FAM184B: variants seen among roughly 807,000 people sequenced by gnomAD.
The protein encoded by FAM184B is family with sequence similarity 184 member B, also known as protein FAM184B.
Under a neutral mutation model 135.9 loss-of-function variants are expected in FAM184B, and 111 were observed. The ratio of observed to expected loss-of-function variants is 0.82; its 90% CI spans 0.70 to 0.96. The LOEUF is 0.96. Among genes scored for constraint, FAM184B ranks in the 40% least tolerant of loss-of-function variants. FAM184B has a pLI of 0.00. For synonymous variants in FAM184B, 552 were observed against 524.8 expected (o/e 1.05, Z -0.71); for missense variants, 1,375 against 1,323.9 (o/e 1.04, Z -0.60).
At chr4:17,633,922 A>G in intron 16 of FAM184B, 34 bp from the exon 17 acceptor site, 2 of 1,343,978 alleles carry the variant, frequency 1.5e-6, no homozygotes, top group Admixed American at 3.8e-5. Context: ...AGTGCAATGC[A>G]ATGCAAAAAA....
chr4:17,767,277 G>T (rs2108995771), intron 1 of FAM184B, among the ~76,000 whole-genome samples: 1 of 152,326 alleles, frequency 6.6e-6, no homozygotes, highest in African/African-American at 2.4e-5. Flanking sequence ...GGGCTGAAGG[G>T]CTCCTCAAGC....
At chr4:17,726,442 G>C (rs1342981496) in intron 1 of FAM184B, among the ~76,000 whole-genome samples, 1 of 152,072 alleles carries the variant, frequency 6.6e-6, no homozygotes, top group African/African-American at 2.4e-5. Flanking sequence ...CGTGATCTCA[G>C]CTCACTGCAA....
Position 17,724,210 on chromosome 4 carries a change from G to A in FAM184B, c.142-14566C>T, listed in dbSNP as rs115409161. ...GTCAAGAATACACCAAAACATGACC[G>A]TGGTTATCTTTAGATGGTAAGATTA... On this transcript the variant is annotated intron_variant, in intron 1 of 17. Coordinates refer to ENST00000265018, the MANE Select transcript of FAM184B (RefSeq NM_015688.2). 4.8e-3 allele frequency among the ~76,000 whole-genome samples: 734 copies of A among 152,204 alleles called. 5 individuals carry two copies. Among genetic ancestry groups the A allele is most frequent in the African/African-American group, 0.016 (680 of 41,530 alleles).
rs759280159 is a variant in FAM184B, at chr4:17,704,998, A to G, written c.1377+2T>C. ...AACAGTCTCTATGGAAGTAGGTCTCACCCTCTGCAGTTTCTTTCTTTCAGC... is the reference window on the plus strand; with the variant it reads ...AACAGTCTCTATGGAAGTAGGTCTCGCCCTCTGCAGTTTCTTTCTTTCAGC... On this transcript the variant is annotated splice_donor_variant, in intron 5 of 17. Transcript: ENST00000265018. LOFTEE classifies it high-confidence loss of function. 7 of 1,551,298 alleles carry G rather than the reference A, an allele frequency of 4.5e-6. No homozygotes were observed. Among genetic ancestry groups the G allele is most frequent in the Non-Finnish European group, 6.1e-6 (7 of 1,146,872 alleles).
intron 1 of FAM184B, among the ~76,000 whole-genome samples, chr4:17,740,314 T>G (rs1368852855): frequency 1.5e-5 from 2 of 130,592 alleles, no homozygotes; most frequent in Non-Finnish European, 3.1e-5. Flanking sequence ...ATCACGCTAC[T>G]GCACTCCAGC....
chr4:17,756,314 C>T (rs1327240355), intron 1 of FAM184B, among the ~76,000 whole-genome samples: 9 of 152,150 alleles, frequency 5.9e-5, no homozygotes, highest in Non-Finnish European at 1.3e-4. Context: ...GGAGCCAACA[C>T]TGAAGGGTTT....
At chr4:17,670,664 T>C (rs1716151030) in intron 7 of FAM184B, among the ~76,000 whole-genome samples, 1 of 152,238 alleles carries the variant, frequency 6.6e-6, no homozygotes, top group Admixed American at 6.5e-5. Flanking sequence ...TTCTATACAT[T>C]ATCTCATGGA....
chr4:17,688,377 C>T (rs554296075), intron 7 of FAM184B, 47 bp downstream of exon 7: 39 of 1,426,654 alleles, frequency 2.7e-5, no homozygotes, highest in Middle Eastern at 3.7e-4. Context: ...AGGCTGAGAC[C>T]GAGAAAAGAA....
chr4:17,749,099 G>T (rs1024183751), intron 1 of FAM184B, among the ~76,000 whole-genome samples: 33 of 151,228 alleles, frequency 2.2e-4, no homozygotes, highest in African/African-American at 7.0e-4. Flanking sequence ...CTCCTGAGTA[G>T]CTGGGATTAC....
chr4:17,636,713 G>A, intron 14 of FAM184B, 68 bp from the exon 15 acceptor site: 1 of 1,276,850 alleles, frequency 7.8e-7, no homozygotes. Flanking sequence ...GAGAACAAGT[G>A]CACACGATGG....
At position 17,684,153 on chromosome 4, in the gene FAM184B, T is replaced by A. The variant is rs1256328162; in HGVS notation, c.1596+4271A>T. On this transcript the variant is annotated intron_variant, in intron 7 of 17. Transcript: ENST00000265018. ...AATAATTATATATAAAATAATTATA[T>A]AATAAAATATAATATAAAATAAAAT... Among the ~76,000 whole-genome samples, 429 of 145,824 alleles carry A rather than the reference T, an allele frequency of 2.9e-3. 2 individuals carry two copies. The highest frequency in any genetic ancestry group is 5.5e-3 in the Non-Finnish European group (364 of 66,400).
At position 17,765,930 on chromosome 4, in the gene FAM184B, G is replaced by C. The variant is rs142369466; in HGVS notation, c.141+15229C>G. 5.7e-3 allele frequency among the ~76,000 whole-genome samples: 867 copies of C among 152,262 alleles called. 7 individuals carry two copies. Among genetic ancestry groups the C allele is most frequent in the African/African-American group, 0.02 (830 of 41,550 alleles). ...GGTGGTGAGTGTTACAGCTCTTAAA[G>C]CAGCACATCTAGAATTACTCCTTCC... On this transcript the variant is annotated intron_variant, in intron 1 of 17. Transcript: ENST00000265018.
At chr4:17,664,480 T>C in intron 8 of FAM184B, 82 bp downstream of exon 8, 5 of 1,110,598 alleles carry the variant, frequency 4.5e-6, no homozygotes, top group South Asian at 4.3e-5. Context: ...TACTTGAGGA[T>C]AGAATGAATG....
intron 14 of FAM184B, among the ~76,000 whole-genome samples, chr4:17,637,893 G>A (rs1560163946): frequency 1.3e-5 from 2 of 152,026 alleles, no homozygotes; most frequent in Non-Finnish European, 2.9e-5. Flanking sequence ...CCTGCCCAGT[G>A]CCTTGTGAAG....
intron 5 of FAM184B, 109 bp from the exon 6 acceptor site, chr4:17,693,521 CAACACTGCAAATAAACATAA>C: frequency 1.3e-6 from 1 of 768,604 alleles, no homozygotes; most frequent in Non-Finnish European, 2.1e-6. Flanking sequence ...GAGTGTCATA[CAACACTGCAAATAAACATAA>C]ATTAGACATA....
At chr4:17,649,153 A>C (rs1267015297) in intron 11 of FAM184B, among the ~76,000 whole-genome samples, 1 of 152,204 alleles carries the variant, frequency 6.6e-6, no homozygotes, top group East Asian at 1.9e-4. Flanking sequence ...AAAATAAACA[A>C]ATGATCTTTA....
intron 5 of FAM184B, among the ~76,000 whole-genome samples, chr4:17,700,222 G>A (rs1019638319): frequency 1.3e-5 from 2 of 152,112 alleles, no homozygotes; most frequent in African/African-American, 4.8e-5. Context: ...TGGTCTGAAT[G>A]TCCCCTAAAA....
At chr4:17,700,562 C>A (rs2108961959) in intron 5 of FAM184B, among the ~76,000 whole-genome samples, 1 of 152,288 alleles carries the variant, frequency 6.6e-6, no homozygotes, top group South Asian at 2.1e-4. Context: ...TTTCAATCTT[C>A]CTCTCTCAGT....
intron 1 of FAM184B, among the ~76,000 whole-genome samples, chr4:17,748,214 A>G (rs1437494548): frequency 6.6e-6 from 1 of 151,654 alleles, no homozygotes; most frequent in Admixed American, 6.6e-5. Context: ...CCTCTCTGTG[A>G]CACGGTGGGG....
Sources: allele counts gnomAD v4.1 joint callset (sites outside exome capture counted in the v4.1 genomes callset), GRCh38; gene constraint gnomAD v4.1.1; transcripts MANE v1.5; gene names NCBI Gene and HGNC (gene_info 2026-07-23, HGNC 2026-07-21).